CFAP54: variants seen among roughly 807,000 people sequenced by gnomAD.
CFAP54 encodes the protein cilia- and flagella-associated protein 54.
In CFAP54, 290 loss-of-function variants were observed where a neutral mutation model predicts 370.4. That is an observed-to-expected ratio of 0.78 (90% CI 0.71 to 0.86). The LOEUF (loss-of-function observed/expected upper bound fraction) is 0.86. CFAP54 is among the 40% of genes least tolerant of loss of function. The pLI, the probability that CFAP54 is intolerant of heterozygous loss-of-function variation, is 0.00. For synonymous variants in CFAP54, 1,206 were observed against 1,236.5 expected, an observed-to-expected ratio of 0.98 and a Z score of 0.52; for missense variants, 3,399 against 3,528.7, an observed-to-expected ratio of 0.96 and a Z score of 0.93.
intron 58 of CFAP54, among the ~76,000 whole-genome samples, chr12:96,760,956 T>A (rs1958329571): frequency 6.6e-6 from 1 of 152,236 alleles, no homozygotes; most frequent in Non-Finnish European, 1.5e-5. Context: ...TGGACATATG[T>A]TTTCAATTCT....
At chr12:96,847,997 A>G (rs923707057) in intron 66 of CFAP54, among the ~76,000 whole-genome samples, 13 of 152,208 alleles carry the variant, frequency 8.5e-5, no homozygotes, top group African/African-American at 3.1e-4. Context: ...CTCTGCACAA[A>G]TGCTTTCTCT....
chr12:96,529,920 A>G (rs1174217379), intron 9 of CFAP54, among the ~76,000 whole-genome samples: 2 of 152,232 alleles, frequency 1.3e-5, no homozygotes, highest in East Asian at 3.9e-4. Flanking sequence ...TGTCGTAAAT[A>G]TATTCTCGTA....
intron 25 of CFAP54, among the ~76,000 whole-genome samples, chr12:96,598,106 C>CTAAACT (rs2308232): frequency 0.69 from 104,686 of 151,320 alleles, 36,323 homozygotes; most frequent in African/African-American, 0.72. Flanking sequence ...CTTTGAAAAG[C>CTAAACT]TATTCGTCTA....
At chr12:96,605,339 G>GTGAAGA (rs1356668487) in intron 26 of CFAP54, among the ~76,000 whole-genome samples, 1 of 152,160 alleles carries the variant, frequency 6.6e-6, no homozygotes, top group Non-Finnish European at 1.5e-5. Flanking sequence ...TGGATTATAA[G>GTGAAGA]TGAAGAGTCA....
chr12:96,751,508 A>C (rs1253170940), intron 55 of CFAP54, among the ~76,000 whole-genome samples: 2 of 152,150 alleles, frequency 1.3e-5, no homozygotes, highest in Non-Finnish European at 2.9e-5. Context: ...GTACTAATAC[A>C]TATTATATAT....
At chr12:96,580,287 G>A (rs1240816030) in intron 20 of CFAP54, among the ~76,000 whole-genome samples, 2 of 151,942 alleles carry the variant, frequency 1.3e-5, no homozygotes, top group Non-Finnish European at 2.9e-5. Context: ...AATGACAATA[G>A]TAATCCCATC....
At chr12:96,782,422 G>A (rs1782466239) in intron 60 of CFAP54, among the ~76,000 whole-genome samples, 1 of 152,050 alleles carries the variant, frequency 6.6e-6, no homozygotes. Flanking sequence ...TTCCCAAGAA[G>A]TACAGGCAAT....
chr12:96,636,913 T>G (rs1178786224), intron 32 of CFAP54, among the ~76,000 whole-genome samples: 1 of 152,158 alleles, frequency 6.6e-6, no homozygotes, highest in Non-Finnish European at 1.5e-5. Flanking sequence ...ATAAGTCACA[T>G]GCCAACAATT....
intron 24 of CFAP54, 122 bp from the exon 25 acceptor site, chr12:96,594,169 T>A (rs1476587548): frequency 6.3e-6 from 4 of 632,290 alleles, no homozygotes; most frequent in African/African-American, 1.8e-5. Flanking sequence ...TTAGATTTTT[T>A]AAAATACAAA....
intron 22 of CFAP54, among the ~76,000 whole-genome samples, chr12:96,588,347 C>T (rs1956092350): frequency 6.6e-6 from 1 of 152,172 alleles, no homozygotes; most frequent in Non-Finnish European, 1.5e-5. Flanking sequence ...CTGCCTTTTC[C>T]TTGAAATCTT....
At chr12:96,668,238 C>T (rs1957103270) in intron 39 of CFAP54, among the ~76,000 whole-genome samples, 2 of 152,204 alleles carry the variant, frequency 1.3e-5, no homozygotes, top group Admixed American at 1.3e-4. Context: ...TGCCTGTTAC[C>T]CAGTTCCATA....
chr12:96,856,493 C>A (rs1342009296), intron 66 of CFAP54, among the ~76,000 whole-genome samples: 2 of 152,202 alleles, frequency 1.3e-5, no homozygotes, highest in African/African-American at 4.8e-5. Context: ...GTTCAGAGTT[C>A]CACAGATCTC....
chr12:96,636,003 G>C (rs1325759890), intron 32 of CFAP54, among the ~76,000 whole-genome samples: 1 of 152,122 alleles, frequency 6.6e-6, no homozygotes, highest in Non-Finnish European at 1.5e-5. Context: ...GGAGGTGGGA[G>C]GGGTGGGGCT....
At chr12:96,516,921 T>C (rs1466316852) in intron 5 of CFAP54, among the ~76,000 whole-genome samples, 1 of 152,160 alleles carries the variant, frequency 6.6e-6, no homozygotes, top group Non-Finnish European at 1.5e-5. Context: ...TTTAATCGTA[T>C]GTATATTTCC....
At position 96,554,710 on chromosome 12, in the gene CFAP54, C is replaced by G; in HGVS notation, c.2318C>G (p.Pro773Arg). ...THHIDGDTYK[P>R]LASNSFMMDL... The stretch of plus-strand genomic sequence containing the variant: ...CATATAGATGGAGATACTTACAAAC[C>G]ACTTGCCTCAAATAGTTTCATGATG... The change falls in exon 17 of 68, where the codon CCA becomes CGA. Residue 773 changes from proline to arginine, a missense_variant. Physicochemically the swap from Pro to Arg is moderately radical, Grantham distance 103. Around this residue, in one of 3 missense-constraint regions of CFAP54, gnomAD observed 2,796 missense variants for 2,869.7 expected, o/e 0.97. Coordinates refer to ENST00000524981, the MANE Select transcript of CFAP54 (RefSeq NM_001306084.2). The G allele has an allele frequency of 6.5e-7, 1 of 1,534,736 alleles. No individual in the cohort carries two copies. Among genetic ancestry groups the G allele is most frequent in the Non-Finnish European group, 8.7e-7 (1 of 1,145,984 alleles).
chr12:96,751,913 G>A lies in CFAP54; in HGVS notation c.7685-1830G>A, dbSNP rs1958187991. The stretch of plus-strand genomic sequence containing the variant: ...TTTAAGAGCTTTGTAGGTGTCAGCT[G>A]TTCTTCCTGTTCCATGCCTGGCCTC... On this transcript the variant is annotated intron_variant, in intron 55 of 67. Transcript: ENST00000524981. Among the ~76,000 whole-genome samples the A allele has an allele frequency of 2.0e-5, 3 of 152,222 alleles. No homozygotes were observed. In the South Asian group the frequency reaches 6.2e-4, roughly 32 times the overall value.
intron 33 of CFAP54, among the ~76,000 whole-genome samples, chr12:96,644,677 C>A (rs998988772): frequency 6.6e-6 from 1 of 152,068 alleles, no homozygotes; most frequent in African/African-American, 2.4e-5. Flanking sequence ...GCAAACATGT[C>A]CTTCTACACA....
chr12:96,779,382 G>A lies in CFAP54; in HGVS notation c.8282-5335G>A, dbSNP rs139562246. 3.5e-3 allele frequency among the ~76,000 whole-genome samples: 537 copies of A among 152,092 alleles called. 4 individuals are homozygous for A. Among genetic ancestry groups the A allele is most frequent in the African/African-American group, 0.012 (509 of 41,520 alleles). ...TATGTTTGTGTGATTCATCCTTTTG[G>A]TGGGCATAATAGCACAATTTAGTGT... On this transcript the variant is annotated intron_variant, in intron 60 of 67. Transcript: ENST00000524981.
chr12:96,736,073 C>G (rs1468771358), intron 50 of CFAP54, among the ~76,000 whole-genome samples: 1 of 152,072 alleles, frequency 6.6e-6, no homozygotes, highest in African/African-American at 2.4e-5. Context: ...TTGCAAGTGA[C>G]AGAATCGCAA....
Sources: allele counts gnomAD v4.1 joint callset (sites outside exome capture counted in the v4.1 genomes callset), GRCh38; gene constraint gnomAD v4.1.1; regional missense constraint gnomAD v4.1.1; transcripts MANE v1.5; gene names NCBI Gene and HGNC (gene_info 2026-07-23, HGNC 2026-07-21).